The following LLGL2 variants were observed in gnomAD, a reference collection of about 807,000 sequenced individuals.
LLGL2 encodes LLGL2, scribble cell polarity complex component.
A neutral mutation model predicts 123.2 loss-of-function variants in LLGL2; 81 were observed. The observed-to-expected ratio is 0.66, with a 90% confidence interval of 0.55 to 0.79. The LOEUF (loss-of-function observed/expected upper bound fraction) is 0.79. Among genes scored for constraint, LLGL2 ranks in the 30% least tolerant of loss-of-function variants. The probability of loss-of-function intolerance (pLI) is 0.00; values close to 1 mark genes in which losing one functional copy is unlikely to be tolerated. For missense variants in LLGL2, 1,273 were observed against 1,414.6 expected, an observed-to-expected ratio of 0.90 and a Z score of 1.61; for synonymous variants, 577 against 594.1, an observed-to-expected ratio of 0.97 and a Z score of 0.42.
intron 9 of LLGL2, 69 bp downstream of exon 9, chr17:75,563,875 C>A: frequency 6.6e-7 from 1 of 1,510,824 alleles, no homozygotes; most frequent in Non-Finnish European, 9.2e-7. Flanking sequence ...TCACTTAGGC[C>A]TCTGCCTGGG....
At chr17:75,543,292 G>A (rs1753652714) in intron 1 of LLGL2, 105 bp from the exon 2 acceptor site, 3 of 713,282 alleles carry the variant, frequency 4.2e-6, no homozygotes, top group Admixed American at 5.4e-5. Flanking sequence ...CGGGGTGGCA[G>A]CCTACTGGAC....
In LLGL2 at chr17:75,564,355, T is replaced by G; in HGVS notation, c.884T>G (p.Leu295Trp). ...TGCCGCTCCTCTGTGCCTGCCAGGT[T>G]GCCCTTCACCATCTTCCAGGGTGGC... ...RILWLTTRQG[L>W]PFTIFQGGMP... Residue 295 changes from leucine (L) to tryptophan (W), a missense_variant and splice_region_variant, in exon 10 of 26, where the codon TTG (leucine) becomes TGG (tryptophan). By Grantham distance (61) the Leu-to-Trp change is moderately conservative (BLOSUM62 -2). Coordinates refer to ENST00000392550, the MANE Select transcript of LLGL2 (RefSeq NM_001031803.2). The surrounding 1 kb of genome is among the most constrained non-coding windows in gnomAD (Gnocchi z 4.9). The G allele has an allele frequency of 1.2e-6, 2 of 1,607,732 alleles. No individual in the cohort carries two copies. The highest frequency in any genetic ancestry group is 2.2e-5 in the South Asian group (2 of 90,910).
At chr17:75,573,722 G>T in intron 21 of LLGL2, 91 bp downstream of exon 21, 1 of 1,386,508 alleles carries the variant, frequency 7.2e-7, no homozygotes, top group South Asian at 1.3e-5. Context: ...CCTGGCTGGA[G>T]GCACCTCCCC....
At chr17:75,535,661 G>A (rs953167649) in intron 1 of LLGL2, among the ~76,000 whole-genome samples, 1 of 152,220 alleles carries the variant, frequency 6.6e-6, no homozygotes, top group Non-Finnish European at 1.5e-5. Flanking sequence ...AGGCACAATC[G>A]CATCTGCCAC....
chr17:75,544,226 A>G lies in LLGL2; in HGVS notation c.75+725A>G, dbSNP rs948019427. On this transcript the variant is annotated intron_variant, in intron 2 of 25. Coordinates refer to ENST00000392550, the MANE Select transcript of LLGL2 (RefSeq NM_001031803.2). This position sits in a 1 kb window ranked among gnomAD's most constrained non-coding sequence, Gnocchi z 4.2. ...CAGTGTGGGGCCTTGTGAGGTAATG[A>G]TCTTCTCACCTCTGCTTTGCGCCTC... 6.6e-6 allele frequency among the ~76,000 whole-genome samples: 1 copy of G among 152,130 alleles called. No homozygotes were observed. Among genetic ancestry groups the G allele is most frequent in the Non-Finnish European group, 1.5e-5 (1 of 68,030 alleles).
intron 2 of LLGL2, among the ~76,000 whole-genome samples, chr17:75,551,475 A>G (rs1408907794): frequency 1.4e-5 from 2 of 146,624 alleles, no homozygotes; most frequent in Non-Finnish European, 3.0e-5. Flanking sequence ...GCCTTTGGAA[A>G]AGAAGGTGGG....
At position 75,570,398 on chromosome 17, in the gene LLGL2, G is replaced by A. The variant is rs764390322; in HGVS notation, c.1925G>A (p.Arg642His). 1.2e-5 allele frequency: 19 copies of A among 1,610,724 alleles called. No homozygotes were observed. In the East Asian group the frequency reaches 1.8e-4, roughly 15 times the overall value. ...CTGGCCTTGGAGGGCCCACTCTCCC[G>A]CGTCAAGTCCCTCAAGAAGTCCTTG... is the stretch of plus-strand genomic sequence containing the variant. ...DQLALEGPLS[R>H]VKSLKKSLRQ... is the part of the protein sequence containing the mutation. Residue 642 changes from arginine (R) to histidine (H), a missense_variant, in exon 16 of 26, where the codon CGC (arginine) becomes CAC (histidine). By Grantham distance (29) the Arg-to-His change is conservative. Coordinates refer to ENST00000392550, the MANE Select transcript of LLGL2 (RefSeq NM_001031803.2).
intron 17 of LLGL2, 37 bp from the exon 18 acceptor site, chr17:75,571,630 G>T (rs1200636237): frequency 6.6e-7 from 1 of 1,517,732 alleles, no homozygotes; most frequent in East Asian, 2.3e-5. Context: ...CGACTCCCAC[G>T]CTAAGGGTCA....
intron 6 of LLGL2, among the ~76,000 whole-genome samples, chr17:75,561,715 G>A (rs548208539): frequency 9.2e-5 from 14 of 152,296 alleles, no homozygotes; most frequent in Middle Eastern, 3.4e-3. Context: ...GAGATCAGGA[G>A]TTCGAGACCA....
In LLGL2 at chr17:75,563,549, G is replaced by A; in HGVS notation, c.826+86G>A. The stretch of plus-strand genomic sequence containing the variant: ...TTGCTCAATTCTGAAGCAAACTCCA[G>A]GGCCAGAGAGGGTAAAGGCTTTGTC... On this transcript the variant is annotated intron_variant, in intron 8 of 25. Transcript: ENST00000392550. The A allele has an allele frequency of 1.9e-6, 3 of 1,563,640 alleles. No individual in the cohort carries two copies. In the South Asian group the frequency reaches 3.4e-5, roughly 18 times the overall value.
Position 75,559,267 on chromosome 17 carries a change from C to T in LLGL2, c.387C>T (p.Ala129=). Residue 129 remains alanine, a synonymous_variant, in exon 6 of 26, where the codon GCC becomes GCT. Coordinates refer to ENST00000392550, the MANE Select transcript of LLGL2 (RefSeq NM_001031803.2). The surrounding 1 kb of genome is among the most constrained non-coding windows in gnomAD (Gnocchi z 4.6). ...LRGPPGAAPS[A]TQITVVLPHS... ...CTTGTCACAGGGCTGCCCCCAGTGC[C>T]ACACAGATCACCGTGGTCCTGCCAC... is the stretch of plus-strand genomic sequence containing the variant. 6.2e-7 allele frequency: 1 copy of T among 1,608,966 alleles called. No homozygotes were observed. Among genetic ancestry groups the T allele is most frequent in the South Asian group, 1.1e-5 (1 of 90,584 alleles).
At chr17:75,525,549 G>A (rs1177269924), upstream of LLGL2, among the ~76,000 whole-genome samples, 2 of 151,066 alleles carry the variant, frequency 1.3e-5, no homozygotes, top group Non-Finnish European at 3.0e-5. This position sits in a 1 kb window ranked among gnomAD's most constrained non-coding sequence, Gnocchi z 4.8. Context: ...CGCTTCCCGG[G>A]GCCGCGGATT....
chr17:75,545,533 G>A (rs945492407), intron 2 of LLGL2, among the ~76,000 whole-genome samples: 13 of 152,076 alleles, frequency 8.5e-5, no homozygotes, highest in Admixed American at 2.0e-4. Flanking sequence ...GGGGCCAGCA[G>A]GGTGGGATTG....
intron 1 of LLGL2, chr17:75,532,381 G>C (rs2147098528): frequency 6.6e-6 from 1 of 152,256 alleles, no homozygotes; most frequent in African/African-American, 2.4e-5. Context: ...CTCCCGAGTA[G>C]CTGGGATTAC....
chr17:75,542,358 C>T (rs971475385), intron 1 of LLGL2, among the ~76,000 whole-genome samples: 4 of 152,078 alleles, frequency 2.6e-5, no homozygotes, highest in East Asian at 1.9e-4. Flanking sequence ...CTGGAGCACG[C>T]GCCTCCAGGG....
intron 14 of LLGL2, among the ~76,000 whole-genome samples, chr17:75,569,630 C>T (rs1385296927): frequency 1.3e-5 from 2 of 152,064 alleles, no homozygotes; most frequent in Non-Finnish European, 2.9e-5. Flanking sequence ...TGGTGAAACC[C>T]CATCTCTACT....
chr17:75,554,685 C>T (rs941674058), intron 2 of LLGL2, among the ~76,000 whole-genome samples: 19 of 151,578 alleles, frequency 1.3e-4, no homozygotes, highest in South Asian at 4.2e-4. Flanking sequence ...ATGGGCGGAT[C>T]GAGACCATCC....
At chr17:75,534,214 G>A (rs1044147580) in intron 1 of LLGL2, among the ~76,000 whole-genome samples, 1 of 152,290 alleles carries the variant, frequency 6.6e-6, no homozygotes, top group Admixed American at 6.5e-5. Flanking sequence ...CAGAATGGGG[G>A]TGCGTTCCCA....
At chr17:75,572,895 G>A (rs1167118023) in intron 19 of LLGL2, 119 bp from the exon 20 acceptor site, 1 of 1,241,946 alleles carries the variant, frequency 8.1e-7, no homozygotes, top group Non-Finnish European at 1.1e-6. Context: ...GTGCATCTGA[G>A]AGCCAAGGGT....
Sources: allele counts gnomAD v4.1 joint callset (sites outside exome capture counted in the v4.1 genomes callset), GRCh38; gene constraint gnomAD v4.1.1; non-coding constraint Gnocchi (gnomAD v3.1); transcripts MANE v1.5; gene names NCBI Gene and HGNC (gene_info 2026-07-23, HGNC 2026-07-21).